The following MAB21L3 variants were observed in gnomAD, a reference collection of about 807,000 sequenced individuals.
MAB21L3 encodes the protein protein mab-21-like 3.
In MAB21L3, 36 loss-of-function variants were observed where a neutral mutation model predicts 37.7. The observed-to-expected ratio is 0.96, with a 90% CI of 0.73 to 1.26. MAB21L3 has a LOEUF of 1.26. Ranked by LOEUF, MAB21L3 falls within the 50% of genes most tolerant of loss-of-function variation. MAB21L3 has a pLI of 0.00. For missense variants in MAB21L3, 430 were observed against 447.3 expected, an observed-to-expected ratio of 0.96 and a Z score of 0.35; for synonymous variants, 186 against 176.8, an observed-to-expected ratio of 1.05 and a Z score of -0.41.
Position 116,133,363 on chromosome 1 carries a change from T to C in MAB21L3, c.1087T>C (p.Ter363ArgextTer74), listed in dbSNP as rs764271388. The C allele has an allele frequency of 6.2e-7, 1 of 1,613,692 alleles. No individual in the cohort carries two copies. Among genetic ancestry groups the C allele is most frequent in the Non-Finnish European group, 8.5e-7 (1 of 1,179,576 alleles). ...GAAGAACCCCCAGATCGGCCCGCCC[T>C]GATGGTTGCCCCGGCCTGGGAGGCT... Reference protein sequence around the residue: ...FLKNPQIGPP* With the variant: ...FLKNPQIGPPR Residue 363 changes from the stop codon to arginine, a stop_lost, in exon 8 of 8, where the codon TGA becomes CGA. Coordinates refer to ENST00000369500, the MANE Select transcript of MAB21L3 (RefSeq NM_152367.3).
chr1:116,133,682 G>T lies in MAB21L3; in HGVS notation c.*317G>T. 1 of 410,770 alleles carries T rather than the reference G, an allele frequency of 2.4e-6. No homozygotes were observed. Among genetic ancestry groups the T allele is most frequent in the South Asian group, 2.5e-5 (1 of 39,242 alleles). The allele number at this position is 410,770 out of a possible 1,614,324, so 25.4% of individuals were successfully genotyped here. On this transcript the variant is annotated 3_prime_UTR_variant, in exon 8 of 8. Coordinates refer to ENST00000369500, the MANE Select transcript of MAB21L3 (RefSeq NM_152367.3). ...AGTTTCCCTTGTTCAGGCTGTGATC[G>T]TCTCACAGTGAAGATGGAGACAGAA...
At chr1:116,129,819 C>T (rs1472042590) in intron 7 of MAB21L3, among the ~76,000 whole-genome samples, 4 of 152,176 alleles carry the variant, frequency 2.6e-5, no homozygotes, top group Admixed American at 2.0e-4. Context: ...CTTGCTTCAC[C>T]TTCTTATCTT....
At position 116,135,937 on chromosome 1, in the gene MAB21L3, C is replaced by A. The variant is rs1249393063; in HGVS notation, c.*2572C>A. Among the ~76,000 whole-genome samples the A allele has an allele frequency of 6.2e-4, 94 of 151,460 alleles. No individual in the cohort carries two copies. The highest frequency in any genetic ancestry group is 2.6e-4 in the Admixed American group (4 of 15,260). Reference sequence around the variant, plus strand: ...TTGACAAAATTCAACAACCTTCATGCTAAAAACTCTCAATAAATTAGGTAT... The same window carrying A: ...TTGACAAAATTCAACAACCTTCATGATAAAAACTCTCAATAAATTAGGTAT... On this transcript the variant is annotated 3_prime_UTR_variant, in exon 8 of 8. Coordinates refer to ENST00000369500, the MANE Select transcript of MAB21L3 (RefSeq NM_152367.3).
In MAB21L3 at chr1:116,137,750, T is replaced by G. The variant is rs1218530993; in HGVS notation, c.*4385T>G. On this transcript the variant is annotated 3_prime_UTR_variant, in exon 8 of 8. Coordinates refer to ENST00000369500, the MANE Select transcript of MAB21L3 (RefSeq NM_152367.3). Reference sequence around the variant, plus strand: ...AATATCCAACAATGATAGAGTGGATTAAGAAAATGTGGCACATATACACCA... The same window carrying G: ...AATATCCAACAATGATAGAGTGGATGAAGAAAATGTGGCACATATACACCA... Among the ~76,000 whole-genome samples, 1 of 151,936 alleles carries G rather than the reference T, an allele frequency of 6.6e-6. No individual in the cohort carries two copies. The highest frequency in any genetic ancestry group is 1.5e-5 in the Non-Finnish European group (1 of 67,996).
chr1:116,118,020 C>A (rs1361392184), intron 3 of MAB21L3, among the ~76,000 whole-genome samples: 1 of 151,998 alleles, frequency 6.6e-6, no homozygotes, highest in African/African-American at 2.4e-5. Context: ...AACATGTTTA[C>A]ACCTGTGTGT....
chr1:116,126,265 C>CA, intron 5 of MAB21L3, among the ~76,000 whole-genome samples: 1 of 152,002 alleles, frequency 6.6e-6, no homozygotes, highest in Non-Finnish European at 1.5e-5. Context: ...GGCAAACAAA[C>CA]AAAAACTGTA....
chr1:116,115,984 A>G (rs573915585), intron 3 of MAB21L3, among the ~76,000 whole-genome samples: 2 of 152,284 alleles, frequency 1.3e-5, no homozygotes, highest in East Asian at 3.9e-4. Context: ...TGCAACTGGT[A>G]TCTTGCTGGC....
Position 116,136,188 on chromosome 1 carries a change from G to A in MAB21L3, c.*2823G>A, listed in dbSNP as rs1195157624. On this transcript the variant is annotated 3_prime_UTR_variant, in exon 8 of 8. Transcript: ENST00000369500. ...AATTAGGAAAAGAGGAAGTCAAATT[G>A]TCCCTGTTTGCAGACAACATGATTG... Among the ~76,000 whole-genome samples, 29 of 150,546 alleles carry A rather than the reference G, an allele frequency of 1.9e-4. No individual in the cohort carries two copies. Among genetic ancestry groups the A allele is most frequent in the African/African-American group, 6.1e-4 (25 of 40,956 alleles).
At chr1:116,125,923 T>G (rs1479988642) in intron 5 of MAB21L3, among the ~76,000 whole-genome samples, 2 of 152,208 alleles carry the variant, frequency 1.3e-5, no homozygotes, top group Admixed American at 1.3e-4. Context: ...TCACCTCTTA[T>G]GCTGTGCGAC....
At chr1:116,118,741 G>C (rs942564435) in intron 3 of MAB21L3, among the ~76,000 whole-genome samples, 8 of 152,174 alleles carry the variant, frequency 5.3e-5, no homozygotes, top group Non-Finnish European at 1.0e-4. Context: ...CCTCAGGCCT[G>C]GCTCAATACC....
At chr1:116,118,776 C>T (rs1659659768) in intron 3 of MAB21L3, among the ~76,000 whole-genome samples, 1 of 152,204 alleles carries the variant, frequency 6.6e-6, no homozygotes, top group African/African-American at 2.4e-5. Context: ...TCTAGAACAA[C>T]TTTCATGCCC....
chr1:116,126,585 G>C (rs1659914225), intron 5 of MAB21L3, among the ~76,000 whole-genome samples: 1 of 152,138 alleles, frequency 6.6e-6, no homozygotes, highest in South Asian at 2.1e-4. Flanking sequence ...TTCACCAAAG[G>C]CATATGCATA....
chr1:116,136,557 ATT>A lies in MAB21L3; in HGVS notation c.*3194_*3195del, dbSNP rs1220204088. ...CAAAATGGCCAGACTGCCCAAGGTA[ATT>A]TACAGATTCAATGCCATCCCCATCA... On this transcript the variant is annotated 3_prime_UTR_variant, in exon 8 of 8. Transcript: ENST00000369500. Among the ~76,000 whole-genome samples, 2 of 152,196 alleles carry A rather than the reference ATT, an allele frequency of 1.3e-5. No individual in the cohort carries two copies. Among genetic ancestry groups the A allele is most frequent in the African/African-American group, 4.8e-5 (2 of 41,436 alleles).
At chr1:116,113,594 A>G (rs1659489255) in intron 3 of MAB21L3, among the ~76,000 whole-genome samples, 1 of 152,190 alleles carries the variant, frequency 6.6e-6, no homozygotes, top group Admixed American at 6.5e-5. Context: ...CTCCCCCTGC[A>G]TTTCCAATAG....
intron 5 of MAB21L3, among the ~76,000 whole-genome samples, chr1:116,126,622 C>G (rs1659914878): frequency 6.6e-6 from 1 of 152,078 alleles, no homozygotes; most frequent in African/African-American, 2.4e-5. Flanking sequence ...CTGTCCCTAA[C>G]CAGTGTCAGA....
chr1:116,129,676 A>C (rs1660013711), intron 7 of MAB21L3, among the ~76,000 whole-genome samples: 1 of 152,230 alleles, frequency 6.6e-6, no homozygotes. Context: ...TCATTGGGAG[A>C]AGGTGAACAA....
At chr1:116,132,177 G>A (rs1318843580) in intron 7 of MAB21L3, among the ~76,000 whole-genome samples, 1 of 152,160 alleles carries the variant, frequency 6.6e-6, no homozygotes, top group East Asian at 1.9e-4. Context: ...TCATTCATAT[G>A]TAGTGAGAAT....
At chr1:116,123,406 CA>C (rs952008810) in intron 4 of MAB21L3, among the ~76,000 whole-genome samples, 30 of 144,588 alleles carry the variant, frequency 2.1e-4, no homozygotes, top group Non-Finnish European at 2.3e-4. Flanking sequence ...CAGTACAGGC[CA>C]AAAAAAAAAG....
At position 116,133,329 on chromosome 1, in the gene MAB21L3, C is replaced by T. The variant is rs747686478; in HGVS notation, c.1053C>T (p.Ala351=). The T allele has an allele frequency of 1.2e-6, 2 of 1,614,232 alleles. No individual in the cohort carries two copies. The highest frequency in any genetic ancestry group is 4.5e-5 in the East Asian group (2 of 44,876). The part of the protein sequence containing the change: ...TELDTVAQKL[A]TFLKNPQIGP... ...TGGACACTGTGGCCCAAAAGCTGGC[C>T]ACCTTCCTGAAGAACCCCCAGATCG... is the stretch of plus-strand genomic sequence containing the variant. The change falls in exon 8 of 8, where the codon GCC becomes GCT. Residue 351 remains alanine, a synonymous_variant. Transcript: ENST00000369500.
Sources: gnomAD v4.1 joint callset for allele counts (sites outside exome capture counted in the v4.1 genomes callset) on GRCh38, gnomAD v4.1.1 for gene constraint, MANE v1.5 for transcripts, NCBI Gene and HGNC (gene_info 2026-07-23, HGNC 2026-07-21) for gene names.